The following CUBN variants were observed in gnomAD, a reference collection of about 807,000 sequenced individuals.
The protein encoded by CUBN is 460 kDa receptor.
A neutral mutation model predicts 405.3 loss-of-function variants in CUBN; 282 were observed. The ratio of observed to expected loss-of-function variants is 0.70; its 90% confidence interval spans 0.63 to 0.77. The LOEUF is 0.77. Among genes scored for constraint, CUBN ranks in the 30% least tolerant of loss-of-function variants. The pLI is 0.00. For synonymous variants in CUBN, 1,684 were observed against 1,617.0 expected (o/e 1.04, Z -0.99); for missense variants, 4,514 against 4,475.2 (o/e 1.01, Z -0.25).
chr10:17,092,407 T>A (rs1175996720), intron 14 of CUBN, among the ~76,000 whole-genome samples: 1 of 152,086 alleles, frequency 6.6e-6, no homozygotes, highest in East Asian at 1.9e-4. Flanking sequence ...AGGGGCTGGA[T>A]AAAATAGGGC....
intron 16 of CUBN, among the ~76,000 whole-genome samples, chr10:17,084,688 A>G (rs1336386522): frequency 6.6e-6 from 1 of 152,266 alleles, no homozygotes; most frequent in African/African-American, 2.4e-5. Context: ...TGTGTGATCT[A>G]GCTTCCAATC....
At chr10:17,013,181 T>G (rs1476953170) in intron 28 of CUBN, among the ~76,000 whole-genome samples, 1 of 152,290 alleles carries the variant, frequency 6.6e-6, no homozygotes. Flanking sequence ...TCTCTCTCTT[T>G]GACTCCTTTG....
chr10:16,873,962 T>C (rs1443637168), intron 58 of CUBN, among the ~76,000 whole-genome samples: 1 of 152,190 alleles, frequency 6.6e-6, no homozygotes, highest in Non-Finnish European at 1.5e-5. Flanking sequence ...ATGACTGTTT[T>C]AAGAATACAA....
chr10:16,913,413 G>A (rs1841789526), intron 48 of CUBN, among the ~76,000 whole-genome samples: 7 of 152,126 alleles, frequency 4.6e-5, no homozygotes, highest in Admixed American at 4.6e-4. Context: ...GAGTCCCTCT[G>A]TACCCCTGGA....
intron 43 of CUBN, among the ~76,000 whole-genome samples, chr10:16,922,103 T>C (rs1050121928): frequency 1.3e-4 from 20 of 151,810 alleles, no homozygotes; most frequent in African/African-American, 3.9e-4. Flanking sequence ...TGTCTGCATC[T>C]TAACACTAGA....
intron 21 of CUBN, among the ~76,000 whole-genome samples, chr10:17,066,097 T>G (rs556861932): frequency 2.6e-5 from 4 of 152,180 alleles, no homozygotes; most frequent in Non-Finnish European, 5.9e-5. Flanking sequence ...AGAGTTGTTT[T>G]GAGAATGTGA....
intron 51 of CUBN, among the ~76,000 whole-genome samples, chr10:16,901,769 G>A (rs375665647): frequency 2.8e-4 from 42 of 150,802 alleles, no homozygotes; most frequent in African/African-American, 8.3e-4. Flanking sequence ...CAGGAGAATC[G>A]CTTGAATCAG....
chr10:16,831,301 A>C lies in CUBN; in HGVS notation c.10479T>G (p.Ser3493Arg), dbSNP rs1437706940. The C allele has an allele frequency of 6.2e-7, 1 of 1,614,094 alleles. No homozygotes were observed. Among genetic ancestry groups the C allele is most frequent in the Non-Finnish European group, 8.5e-7 (1 of 1,179,944 alleles). ...NELYLRFKSD[S>R]VTSDRGYEII... Reference sequence around the variant, plus strand: ...TTTCATATCCACGATCAGAAGTTACACTATCACTCTTAAATCGTAGGTATA... The same window carrying C: ...TTTCATATCCACGATCAGAAGTTACCCTATCACTCTTAAATCGTAGGTATA... The change falls in exon 65 of 67, where the codon AGT becomes AGG. Residue 3493 changes from serine to arginine, a missense_variant. By Grantham distance (110) the Ser-to-Arg change is moderately radical. Around this residue, in one of 5 missense-constraint regions of CUBN, gnomAD observed 1,186 missense variants for 1,186.9 expected, o/e 1.00. Transcript: ENST00000377833.
At chr10:17,012,691 T>C (rs1481724882) in intron 28 of CUBN, among the ~76,000 whole-genome samples, 1 of 152,252 alleles carries the variant, frequency 6.6e-6, no homozygotes, top group African/African-American at 2.4e-5. Context: ...CCATCCATAT[T>C]AACTTAGAAT....
chr10:16,971,126 T>A (rs1832918577), intron 31 of CUBN, among the ~76,000 whole-genome samples: 1 of 152,190 alleles, frequency 6.6e-6, no homozygotes, highest in Admixed American at 6.5e-5. Context: ...ACCCCAACAT[T>A]ATCTGACAGC....
intron 12 of CUBN, 138 bp from the exon 13 acceptor site, chr10:17,103,375 CCTCTG>C: frequency 1.5e-6 from 1 of 677,734 alleles, no homozygotes; most frequent in Non-Finnish European, 2.7e-6. Flanking sequence ...CATTCCCTCT[CCTCTG>C]TGCCCTTTTT....
At chr10:17,048,089 A>C (rs1487545228) in intron 22 of CUBN, among the ~76,000 whole-genome samples, 1 of 152,266 alleles carries the variant, frequency 6.6e-6, no homozygotes, top group Non-Finnish European at 1.5e-5. Flanking sequence ...AAACCCTCTC[A>C]AACACTGTCA....
intron 66 of CUBN, among the ~76,000 whole-genome samples, chr10:16,827,958 A>G (rs1447488080): frequency 1.3e-5 from 2 of 152,172 alleles, no homozygotes; most frequent in Admixed American, 6.5e-5. Flanking sequence ...GCAATATTGA[A>G]TCAACGTCAG....
rs146463364 is a variant in CUBN, at chr10:17,104,487, C to T, written c.1349G>A (p.Gly450Asp). The stretch of plus-strand genomic sequence containing the variant: ...GCATTCACAACTGAAAGAATCAACG[C>T]CATCAACACAAGTTCCTCCATTCAA... ...PCLNGGTCVD[G>D]VDSFSCECTR... Residue 450 changes from glycine (G) to aspartate (D), a missense_variant, in exon 12 of 67, where the codon GGC becomes GAC. By Grantham distance (94) the Gly-to-Asp change is moderately conservative. Around this residue, in one of 5 missense-constraint regions of CUBN, gnomAD observed 1,448 missense variants for 1,388.0 expected, o/e 1.04. Coordinates refer to ENST00000377833, the MANE Select transcript of CUBN (RefSeq NM_001081.4). 118 of 1,613,952 alleles carry T rather than the reference C, an allele frequency of 7.3e-5. No homozygotes were observed. In the African/African-American group the frequency reaches 1.2e-3, roughly 17 times the overall value.
chr10:17,093,288 A>G (rs2356826), intron 14 of CUBN, among the ~76,000 whole-genome samples: 81,427 of 151,510 alleles, frequency 0.54, 22,478 homozygotes, highest in East Asian at 0.67. Flanking sequence ...CTAACAGAGA[A>G]CAGTTTCGGA....
rs1312692109 is a variant in CUBN, at chr10:16,890,335, C to CA, written c.8755+35dup. On this transcript the variant is annotated intron_variant, in intron 55 of 66. Transcript: ENST00000377833. ...CCTGCCTGTGACAACCACACTCCCG[C>CA]AAAGACCTCTGGGTTTGGTTCTTAG... 8.1e-6 allele frequency: 13 copies of CA among 1,611,068 alleles called. No homozygotes were observed. In the Admixed American group the frequency reaches 1.2e-4, roughly 14 times the overall value.
chr10:16,859,366 C>T lies in CUBN; in HGVS notation c.9455-7923G>A, dbSNP rs376625391. On this transcript the variant is annotated intron_variant, in intron 59 of 66. Transcript: ENST00000377833. ...ATAGATATATAGATGACGAAAAGCA[C>T]GTGAAAATTGTTCACCATTAAATTA... Among the ~76,000 whole-genome samples the T allele has an allele frequency of 1.5e-3, 225 of 152,202 alleles. 1 individual carries two copies. Among genetic ancestry groups the T allele is most frequent in the African/African-American group, 5.1e-3 (210 of 41,536 alleles).
chr10:17,129,304 A>G, intron 1 of CUBN, 54 bp from the exon 2 acceptor site: 5 of 1,586,662 alleles, frequency 3.2e-6, no homozygotes, highest in East Asian at 2.2e-5. Context: ...CAATTTTTAA[A>G]CCAAAATAAC....
chr10:16,912,814 G>A (rs1841770570), intron 48 of CUBN, among the ~76,000 whole-genome samples: 1 of 152,160 alleles, frequency 6.6e-6, no homozygotes, highest in African/African-American at 2.4e-5. Flanking sequence ...TGGGCCACAG[G>A]TGCAATTTGG....
Sources: allele counts gnomAD v4.1 joint callset (sites outside exome capture counted in the v4.1 genomes callset), GRCh38; gene constraint gnomAD v4.1.1; regional missense constraint gnomAD v4.1.1; transcripts MANE v1.5; gene names NCBI Gene and HGNC (gene_info 2026-07-23, HGNC 2026-07-21).